OXR1: variants seen among roughly 807,000 people sequenced by gnomAD.
The protein encoded by OXR1 is oxidation resistance protein 1.
OXR1 carries 41 observed loss-of-function variants against 104.6 expected under a neutral mutation model. The observed-to-expected ratio is 0.39, with a 90% CI of 0.31 to 0.51. The LOEUF (loss-of-function observed/expected upper bound fraction) is 0.51. Ranked by LOEUF, OXR1 falls within the 20% of genes least tolerant of loss-of-function variation. OXR1 has a pLI of 0.77. For missense variants in OXR1, 955 were observed against 1,031.9 expected, an observed-to-expected ratio of 0.93 and a Z score of 1.02; for synonymous variants, 348 against 348.4, an observed-to-expected ratio of 1.00 and a Z score of 0.01.
At chr8:106,457,768 T>C (rs776423574) in intron 2 of OXR1, among the ~76,000 whole-genome samples, 17 of 152,256 alleles carry the variant, frequency 1.1e-4, no homozygotes, top group Non-Finnish European at 1.9e-4. Flanking sequence ...GAATAAGGTA[T>C]TGGGAACTGA....
intron 3 of OXR1, among the ~76,000 whole-genome samples, chr8:106,589,285 T>C (rs1818891869): frequency 6.6e-6 from 1 of 151,428 alleles, no homozygotes; most frequent in Non-Finnish European, 1.5e-5. Flanking sequence ...CCTTAGGTTG[T>C]AAATTGGCTG....
At chr8:106,573,252 GC>G (rs1471247163) in intron 3 of OXR1, among the ~76,000 whole-genome samples, 2 of 151,512 alleles carry the variant, frequency 1.3e-5, no homozygotes, top group Non-Finnish European at 2.9e-5. Context: ...CCCCACCCCT[GC>G]CCCACCACAG....
At chr8:106,293,262 CT>C (rs2130051094) in intron 1 of OXR1, among the ~76,000 whole-genome samples, 1 of 152,264 alleles carries the variant, frequency 6.6e-6, no homozygotes, top group Non-Finnish European at 1.5e-5. Context: ...TGGCAAGATT[CT>C]TTCAAGGAAG....
intron 1 of OXR1, among the ~76,000 whole-genome samples, chr8:106,331,054 G>T (rs1814694872): frequency 6.6e-6 from 1 of 152,174 alleles, no homozygotes; most frequent in African/African-American, 2.4e-5. Flanking sequence ...TGCAATTGCA[G>T]TGATTTATTT....
chr8:106,573,439 A>G (rs1817618363), intron 3 of OXR1, among the ~76,000 whole-genome samples: 1 of 152,122 alleles, frequency 6.6e-6, no homozygotes, highest in Non-Finnish European at 1.5e-5. Context: ...GAGTTTATTG[A>G]GTGAAATGCC....
At position 106,453,195 on chromosome 8, in the gene OXR1, T is replaced by G. The variant is rs576295771; in HGVS notation, c.24-65748T>G. 5.9e-5 allele frequency among the ~76,000 whole-genome samples: 9 copies of G among 152,266 alleles called. 1 individual carries two copies. The highest frequency in any genetic ancestry group is 5.2e-4 in the Admixed American group (8 of 15,296). ...GCACTTCGAGCTCACCCAGTTGGCTTTACTGCACATAATCACATTGGTGTC... is the reference window on the plus strand; with the variant it reads ...GCACTTCGAGCTCACCCAGTTGGCTGTACTGCACATAATCACATTGGTGTC... On this transcript the variant is annotated intron_variant, in intron 2 of 16. Coordinates refer to ENST00000517566, the MANE Select transcript of OXR1 (RefSeq NM_001198533.2).
intron 11 of OXR1, among the ~76,000 whole-genome samples, chr8:106,730,325 A>G (rs1274267308): frequency 6.6e-6 from 1 of 152,106 alleles, no homozygotes; most frequent in African/African-American, 2.4e-5. Flanking sequence ...AATGACATGT[A>G]TCTAGTTGTA....
chr8:106,552,841 T>C (rs1276401815), intron 3 of OXR1, among the ~76,000 whole-genome samples: 2 of 152,222 alleles, frequency 1.3e-5, no homozygotes, highest in Non-Finnish European at 2.9e-5. Flanking sequence ...ATAGTGACAT[T>C]GGTGGGTTCT....
At chr8:106,698,823 G>A (rs1165899310) in intron 7 of OXR1, among the ~76,000 whole-genome samples, 2 of 151,438 alleles carry the variant, frequency 1.3e-5, no homozygotes, top group East Asian at 3.9e-4. Context: ...TTTGTACTCT[G>A]TTACTTCTGG....
intron 3 of OXR1, among the ~76,000 whole-genome samples, chr8:106,619,543 A>T (rs1821524425): frequency 6.6e-6 from 1 of 152,174 alleles, no homozygotes; most frequent in South Asian, 2.1e-4. Context: ...CTTTTAAGTC[A>T]TTGGGGAGGT....
chr8:106,654,032 A>G (rs189986629), intron 3 of OXR1, among the ~76,000 whole-genome samples: 185 of 152,236 alleles, frequency 1.2e-3, no homozygotes, highest in African/African-American at 4.1e-3. Context: ...GATTTATACA[A>G]TGAAAAGCAC....
chr8:106,632,211 GA>G (rs1242770747), intron 3 of OXR1, among the ~76,000 whole-genome samples: 1 of 152,138 alleles, frequency 6.6e-6, no homozygotes, highest in Admixed American at 6.5e-5. Context: ...AGCTTAATGT[GA>G]AAACAAATAT....
intron 2 of OXR1, among the ~76,000 whole-genome samples, chr8:106,494,433 G>T (rs1811290976): frequency 6.6e-6 from 1 of 152,020 alleles, no homozygotes; most frequent in South Asian, 2.1e-4. Context: ...CACACAGTAG[G>T]TGTGCACTGT....
chr8:106,615,655 T>C (rs542532249), intron 3 of OXR1, among the ~76,000 whole-genome samples: 17 of 152,048 alleles, frequency 1.1e-4, no homozygotes, highest in South Asian at 4.2e-4. Context: ...TCTTGCTTTC[T>C]ACCTGCTGCT....
At chr8:106,481,626 A>G (rs1822121981) in intron 2 of OXR1, among the ~76,000 whole-genome samples, 1 of 152,028 alleles carries the variant, frequency 6.6e-6, no homozygotes, top group Admixed American at 6.6e-5. Context: ...GAGAGCTTGC[A>G]CTCAAATTTA....
At chr8:106,401,840 A>G (rs545639092) in intron 2 of OXR1, among the ~76,000 whole-genome samples, 1 of 152,330 alleles carries the variant, frequency 6.6e-6, no homozygotes, top group African/African-American at 2.4e-5. Context: ...TCTGATCAGC[A>G]TAATGTCATC....
rs141780987 is a variant in OXR1 at position 106,356,856 on chromosome 8, C to G, written c.-138-2620C>G. ...AGTGTAGTAAGTTGCAGTAATGACC[C>G]TAGGAGAAAAGCAACCCAGAAATTT... On this transcript the variant is annotated intron_variant, in intron 1 of 16. Transcript: ENST00000517566. Among the ~76,000 whole-genome samples, 282 of 152,132 alleles carry G rather than the reference C, an allele frequency of 1.9e-3. 1 individual carries two copies. Among genetic ancestry groups the G allele is most frequent in the African/African-American group, 6.3e-3 (263 of 41,512 alleles).
At chr8:106,392,935 C>T (rs932068894) in intron 2 of OXR1, among the ~76,000 whole-genome samples, 3 of 152,138 alleles carry the variant, frequency 2.0e-5, no homozygotes, top group African/African-American at 4.8e-5. Flanking sequence ...TCTTGCCATA[C>T]GCAGCTTCAA....
intron 3 of OXR1, among the ~76,000 whole-genome samples, chr8:106,576,938 G>A (rs184569422): frequency 0.013 from 1,997 of 152,142 alleles, 25 homozygotes; most frequent in Admixed American, 0.023. Context: ...TATGTAAATT[G>A]TTTTTGTAGT....
Sources: allele counts gnomAD v4.1 joint callset (sites outside exome capture counted in the v4.1 genomes callset), GRCh38; gene constraint gnomAD v4.1.1; transcripts MANE v1.5; gene names NCBI Gene and HGNC (gene_info 2026-07-23, HGNC 2026-07-21).